The following PDE10A variants were observed in gnomAD, a reference collection of about 807,000 sequenced individuals.
PDE10A encodes cAMP and cAMP-inhibited cGMP 3',5'-cyclic phosphodiesterase 10A.
PDE10A carries 39 observed loss-of-function variants against 97.7 expected under a neutral mutation model. That is an observed-to-expected ratio of 0.40 (90% CI 0.31 to 0.52). The LOEUF is 0.52. Among genes scored for constraint, PDE10A ranks in the 20% least tolerant of loss-of-function variants. The probability of loss-of-function intolerance (pLI) is 0.56; values close to 1 mark genes in which losing one functional copy is unlikely to be tolerated. For missense variants in PDE10A, 731 were observed against 1,047.8 expected, an observed-to-expected ratio of 0.70 and a Z score of 4.17; for synonymous variants, 371 against 376.8, an observed-to-expected ratio of 0.98 and a Z score of 0.18.
intron 2 of PDE10A, among the ~76,000 whole-genome samples, chr6:165,512,738 A>G (rs1240088078): frequency 6.6e-6 from 1 of 152,038 alleles, no homozygotes; most frequent in African/African-American, 2.4e-5. Flanking sequence ...TGTTAAGTAT[A>G]ACCTTTTAAG....
At chr6:165,906,833 A>G (rs1350125965) in intron 1 of PDE10A, among the ~76,000 whole-genome samples, 1 of 152,230 alleles carries the variant, frequency 6.6e-6, no homozygotes, top group Non-Finnish European at 1.5e-5. Context: ...TGCAAAAAGT[A>G]AAGAGACTAT....
chr6:165,468,626 C>T (rs1778803497), intron 3 of PDE10A, among the ~76,000 whole-genome samples: 1 of 152,096 alleles, frequency 6.6e-6, no homozygotes, highest in Non-Finnish European at 1.5e-5. Context: ...GTGTGTCAAG[C>T]ATTATCAGAT....
chr6:165,432,368 G>A (rs1016066753), intron 7 of PDE10A, among the ~76,000 whole-genome samples: 4 of 152,124 alleles, frequency 2.6e-5, no homozygotes, highest in Non-Finnish European at 4.4e-5. Flanking sequence ...AAGAAAAAAT[G>A]CAAAGGCCTC....
At chr6:165,724,976 C>T (rs1322297969) in intron 1 of PDE10A, among the ~76,000 whole-genome samples, 5 of 152,192 alleles carry the variant, frequency 3.3e-5, no homozygotes, top group Non-Finnish European at 5.9e-5. Context: ...GCTCCACCCT[C>T]CGGCCTGTGC....
chr6:165,854,859 C>T (rs1280343446), intron 1 of PDE10A, among the ~76,000 whole-genome samples: 3 of 152,184 alleles, frequency 2.0e-5, no homozygotes, highest in Non-Finnish European at 4.4e-5. Flanking sequence ...GGGGCTGGGT[C>T]AGGCACAAAA....
chr6:165,497,595 C>T (rs1225793722), intron 2 of PDE10A, among the ~76,000 whole-genome samples: 3 of 152,108 alleles, frequency 2.0e-5, no homozygotes, highest in Non-Finnish European at 2.9e-5. Flanking sequence ...CACGTATATA[C>T]GACTCTTCTT....
At chr6:165,501,910 A>G (rs976414458) in intron 2 of PDE10A, among the ~76,000 whole-genome samples, 1 of 152,228 alleles carries the variant, frequency 6.6e-6, no homozygotes, top group African/African-American at 2.4e-5. Flanking sequence ...ACACAGCTAC[A>G]TTCATCAAAA....
At chr6:165,664,355 C>T (rs1210374259), upstream of PDE10A, among the ~76,000 whole-genome samples, 9 of 152,180 alleles carry the variant, frequency 5.9e-5, no homozygotes, top group African/African-American at 2.2e-4. Flanking sequence ...CCCATCCAAA[C>T]TCCCCCCAAT....
At chr6:165,493,145 T>C (rs1780323779) in intron 2 of PDE10A, among the ~76,000 whole-genome samples, 1 of 152,096 alleles carries the variant, frequency 6.6e-6, no homozygotes, top group Non-Finnish European at 1.5e-5. Context: ...GAAAGACTGC[T>C]ACACAGAAAA....
intron 1 of PDE10A, among the ~76,000 whole-genome samples, chr6:165,791,494 T>A (rs755742971): frequency 4.6e-5 from 7 of 151,750 alleles, no homozygotes; most frequent in Non-Finnish European, 8.9e-5. Context: ...TCCTCTGACT[T>A]ATTTTAATGT....
At chr6:165,397,097 G>A (rs1021407591) in intron 13 of PDE10A, among the ~76,000 whole-genome samples, 7 of 152,090 alleles carry the variant, frequency 4.6e-5, no homozygotes, top group East Asian at 1.9e-4. Flanking sequence ...TACATTAATC[G>A]AAAATGGATA....
intron 1 of PDE10A, among the ~76,000 whole-genome samples, chr6:165,681,737 C>G (rs1790983977): frequency 6.6e-6 from 1 of 152,050 alleles, no homozygotes. Flanking sequence ...TCAAAATCAC[C>G]TCTTGTCTGT....
At chr6:165,456,772 T>G (rs1777978480) in intron 3 of PDE10A, among the ~76,000 whole-genome samples, 1 of 152,220 alleles carries the variant, frequency 6.6e-6, no homozygotes, top group African/African-American at 2.4e-5. Context: ...CAAATTCTAA[T>G]ATTTCATCTA....
Position 165,388,375 on chromosome 6 carries a change from C to T in PDE10A, c.2533G>A (p.Asp845Asn). 6.2e-7 allele frequency: 1 copy of T among 1,614,054 alleles called. No homozygotes were observed. Among genetic ancestry groups the T allele is most frequent in the Non-Finnish European group, 8.5e-7 (1 of 1,179,984 alleles). The change falls in exon 17 of 22, where the codon GAC becomes AAC. Residue 845 changes from aspartate to asparagine, a missense_variant. Asp to Asn is a conservative substitution (Grantham distance 23). Coordinates refer to ENST00000539869, the MANE Select transcript of PDE10A (RefSeq NM_001385079.1). This position sits in a 1 kb window ranked among gnomAD's most constrained non-coding sequence, Gnocchi z 4.0. Reference protein sequence around the residue: ...GFSNSYLQKFDHPLAALYSTS... With the variant: ...GFSNSYLQKFNHPLAALYSTS... ...GAGTAGAGAGCGGCCAGAGGGTGGT[C>T]GAACTTCTGCAGGTAGCTGTTACTG...
At chr6:165,763,426 G>A (rs1414610338) in intron 1 of PDE10A, among the ~76,000 whole-genome samples, 1 of 151,840 alleles carries the variant, frequency 6.6e-6, no homozygotes, top group Non-Finnish European at 1.5e-5. Context: ...GGGTTCAAGC[G>A]ATTCTCGTGC....
upstream of PDE10A, among the ~76,000 whole-genome samples, chr6:165,667,710 C>T (rs1450259441): frequency 6.7e-6 from 1 of 149,774 alleles, no homozygotes; most frequent in African/African-American, 2.5e-5. Flanking sequence ...AAAACCCAAG[C>T]GGAGATTTTC....
chr6:165,739,784 T>C (rs930969535), intron 1 of PDE10A, among the ~76,000 whole-genome samples: 1 of 152,046 alleles, frequency 6.6e-6, no homozygotes, highest in Non-Finnish European at 1.5e-5. Flanking sequence ...AGAAAACACA[T>C]AACCTGCTTA....
intron 1 of PDE10A, among the ~76,000 whole-genome samples, chr6:165,826,233 T>C (rs989083648): frequency 2.6e-5 from 4 of 152,164 alleles, no homozygotes; most frequent in African/African-American, 9.7e-5. Flanking sequence ...CCTGGGCCCA[T>C]AATTGAGGGC....
intron 1 of PDE10A, among the ~76,000 whole-genome samples, chr6:165,816,747 T>TG (rs1195098623): frequency 6.6e-6 from 1 of 152,092 alleles, no homozygotes; most frequent in African/African-American, 2.4e-5. Flanking sequence ...CAGAGTGCCC[T>TG]GGGGGCTCAG....
Sources: gnomAD v4.1 joint callset for allele counts (sites outside exome capture counted in the v4.1 genomes callset) on GRCh38, gnomAD v4.1.1 for gene constraint, Gnocchi (gnomAD v3.1) non-coding constraint, MANE v1.5 for transcripts, NCBI Gene and HGNC (gene_info 2026-07-23, HGNC 2026-07-21) for gene names.